FRK: variants seen among roughly 807,000 people sequenced by gnomAD.
FRK encodes fyn related Src family tyrosine kinase.
In FRK, 51 loss-of-function variants were observed where a neutral mutation model predicts 56.4. The observed-to-expected ratio is 0.90, with a 90% CI of 0.72 to 1.14. FRK has a LOEUF of 1.14. Among genes scored for constraint, FRK ranks in the 50% most tolerant of loss-of-function variants. The pLI is 0.00. For synonymous variants in FRK, 245 were observed against 217.9 expected, an observed-to-expected ratio of 1.12 and a Z score of -1.10; for missense variants, 570 against 601.4, an observed-to-expected ratio of 0.95 and a Z score of 0.55.
chr6:115,945,474 C>CT (rs1772401196), intron 5 of FRK, among the ~76,000 whole-genome samples: 1 of 152,042 alleles, frequency 6.6e-6, no homozygotes, highest in Non-Finnish European at 1.5e-5. Context: ...TGCTGTTGAG[C>CT]TTTTTGTTCA....
chr6:116,084,158 G>A, the FRK span, among the ~76,000 whole-genome samples: 1 of 152,106 alleles, frequency 6.6e-6, no homozygotes, highest in South Asian at 2.1e-4. Context: ...CTCATCGAAT[G>A]GTTATATATA....
In FRK at chr6:115,939,951, ACTTT is replaced by A. The variant is rs1364117729; in HGVS notation, c.*2459_*2462del. Reference sequence around the variant, plus strand: ...TGCTATCCCCATCAAACTACCATTGACTTTCTTCACAGAATTGGAAAAAACTACT... The same window carrying A: ...TGCTATCCCCATCAAACTACCATTGACTTCACAGAATTGGAAAAAACTACT... On this transcript the variant is annotated 3_prime_UTR_variant, in exon 8 of 8. Coordinates refer to ENST00000606080, the MANE Select transcript of FRK (RefSeq NM_002031.3). 1 of 152,210 alleles carries A rather than the reference ACTTT, an allele frequency of 6.6e-6. No homozygotes were observed. The highest frequency in any genetic ancestry group is 1.5e-5 in the Non-Finnish European group (1 of 68,032). The allele number at this position is 152,210 out of a possible 1,614,324, so 9.4% of individuals were successfully genotyped here. A position where few individuals can be genotyped will look rare whatever the true frequency, so the allele number is the denominator to read the frequency against.
chr6:115,945,747 T>G (rs1772417795), intron 5 of FRK, among the ~76,000 whole-genome samples: 1 of 152,152 alleles, frequency 6.6e-6, no homozygotes, highest in South Asian at 2.1e-4. Context: ...CTTGATACAT[T>G]ATTTTATTTC....
At chr6:116,078,986 G>C in the FRK span, among the ~76,000 whole-genome samples, 1 of 151,952 alleles carries the variant, frequency 6.6e-6, no homozygotes, top group African/African-American at 2.4e-5. Flanking sequence ...GCTGTGTATT[G>C]TAACTTTGTG....
At chr6:116,047,706 C>T (rs1171003345) in intron 1 of FRK, among the ~76,000 whole-genome samples, 1 of 152,210 alleles carries the variant, frequency 6.6e-6, no homozygotes, top group Non-Finnish European at 1.5e-5. Flanking sequence ...GCTCAGTCAG[C>T]TGATGAGTCA....
intron 2 of FRK, 33 bp downstream of exon 2, chr6:116,003,844 C>T (rs935989195): frequency 6.2e-7 from 1 of 1,610,368 alleles, no homozygotes; most frequent in Non-Finnish European, 8.5e-7. Flanking sequence ...GACTCTCAAG[C>T]TCATATTGAA....
intron 1 of FRK, among the ~76,000 whole-genome samples, chr6:116,008,714 C>T (rs908215932): frequency 6.6e-6 from 1 of 152,188 alleles, no homozygotes; most frequent in Non-Finnish European, 1.5e-5. Flanking sequence ...GAAGGGCACA[C>T]ACCCCAGGCC....
At chr6:115,984,005 T>A (rs1181150234) in intron 2 of FRK, among the ~76,000 whole-genome samples, 1 of 152,124 alleles carries the variant, frequency 6.6e-6, no homozygotes, top group African/African-American at 2.4e-5. Context: ...TCTGTGCATT[T>A]TCACAAACTG....
the FRK span, among the ~76,000 whole-genome samples, chr6:116,075,695 C>T: frequency 6.6e-6 from 1 of 152,086 alleles, no homozygotes; most frequent in Non-Finnish European, 1.5e-5. Context: ...CCACCACCCA[C>T]AATTAAGGAG....
the FRK span, among the ~76,000 whole-genome samples, chr6:116,092,376 C>T: frequency 3.9e-5 from 6 of 152,156 alleles, no homozygotes; most frequent in Admixed American, 6.5e-5. Flanking sequence ...GTATGGCCCT[C>T]CACTTCATTT....
chr6:116,091,495 G>A, the FRK span, among the ~76,000 whole-genome samples: 1 of 152,100 alleles, frequency 6.6e-6, no homozygotes, highest in Non-Finnish European at 1.5e-5. Flanking sequence ...TCACCGCGAA[G>A]GTCCGAGGCT....
At chr6:115,970,874 G>A (rs550792124) in intron 2 of FRK, among the ~76,000 whole-genome samples, 1 of 152,252 alleles carries the variant, frequency 6.6e-6, no homozygotes, top group East Asian at 1.9e-4. Context: ...GATCGATTGT[G>A]CCACTATACT....
At position 116,036,067 on chromosome 6, in the gene FRK, G is replaced by C. The variant is rs1019235039; in HGVS notation, c.344+23901C>G. Among the ~76,000 whole-genome samples the C allele has an allele frequency of 1.2e-4, 18 of 151,966 alleles. 1 individual carries two copies. Among genetic ancestry groups the C allele is most frequent in the African/African-American group, 4.3e-4 (18 of 41,382 alleles). On this transcript the variant is annotated intron_variant, in intron 1 of 7. Coordinates refer to ENST00000606080, the MANE Select transcript of FRK (RefSeq NM_002031.3). ...GTTTTCCATTCTAGGAAAAATGTCT[G>C]GACAGAAAAGGAACAAGCAGTGGGA... is the stretch of plus-strand genomic sequence containing the variant.
At chr6:116,077,242 C>A in the FRK span, among the ~76,000 whole-genome samples, 1 of 152,148 alleles carries the variant, frequency 6.6e-6, no homozygotes, top group Admixed American at 6.5e-5. Flanking sequence ...CATCAAGAAC[C>A]AAGCAGGAAT....
chr6:116,049,496 T>C (rs1001537729), intron 1 of FRK, among the ~76,000 whole-genome samples: 8 of 152,200 alleles, frequency 5.3e-5, no homozygotes, highest in African/African-American at 9.6e-5. Flanking sequence ...GAGTCTTGCA[T>C]AGTTTTCCAG....
At chr6:116,051,282 G>T (rs1340237408) in intron 1 of FRK, among the ~76,000 whole-genome samples, 1 of 152,056 alleles carries the variant, frequency 6.6e-6, no homozygotes, top group African/African-American at 2.4e-5. Context: ...GTATTTGATT[G>T]AGAATTTAGT....
intron 1 of FRK, among the ~76,000 whole-genome samples, chr6:116,031,615 A>T (rs1332286852): frequency 6.6e-6 from 1 of 152,124 alleles, no homozygotes; most frequent in Non-Finnish European, 1.5e-5. Context: ...AATCAACTCA[A>T]TGGATCTGTG....
intron 2 of FRK, among the ~76,000 whole-genome samples, chr6:116,000,391 C>T (rs1397628100): frequency 1.3e-5 from 2 of 151,668 alleles, no homozygotes; most frequent in African/African-American, 4.8e-5. Flanking sequence ...TACAGGTGTG[C>T]ACCACCATGC....
intron 1 of FRK, among the ~76,000 whole-genome samples, chr6:116,029,831 T>A (rs1776234256): frequency 6.6e-6 from 1 of 152,148 alleles, no homozygotes; most frequent in African/African-American, 2.4e-5. Flanking sequence ...TCATTCATCA[T>A]CATCTATCTA....
Sources: allele counts gnomAD v4.1 joint callset (sites outside exome capture counted in the v4.1 genomes callset), GRCh38; gene constraint gnomAD v4.1.1; transcripts MANE v1.5; gene names NCBI Gene and HGNC (gene_info 2026-07-23, HGNC 2026-07-21).